LIG1: variants seen among roughly 807,000 people sequenced by gnomAD.
The protein encoded by LIG1 is ligase I, DNA, ATP-dependent.
In LIG1, 70 loss-of-function variants were observed where a neutral mutation model predicts 115.7. The ratio of observed to expected loss-of-function variants is 0.60; its 90% CI spans 0.50 to 0.74. The LOEUF (loss-of-function observed/expected upper bound fraction) is 0.74. Ranked by LOEUF, LIG1 falls within the 30% of genes least tolerant of loss-of-function variation. The pLI is 0.00. For missense variants in LIG1, 1,115 were observed against 1,225.6 expected (o/e 0.91, Z 1.35); for synonymous variants, 487 against 495.3 (o/e 0.98, Z 0.22).
rs1490766311 is a variant in LIG1 at position 48,140,074 on chromosome 19, G to C, written c.984C>G (p.Leu328=). The change falls in exon 12 of 28, where the codon CTC becomes CTG. Residue 328 remains leucine, a synonymous_variant. Coordinates refer to ENST00000263274, the MANE Select transcript of LIG1 (RefSeq NM_000234.3). ...SVVALSPPDL[L]PVLYLSLNHL... ...GGTTGAGGCTGAGGTAGAGGACAGG[G>C]AGGAGGTCTGGAGGCGACAGGGCCA... 2 of 1,614,000 alleles carry C rather than the reference G, an allele frequency of 1.2e-6. No homozygotes were observed. Among genetic ancestry groups the C allele is most frequent in the Admixed American group, 1.7e-5 (1 of 60,028 alleles).
At chr19:48,132,790 C>CAAAAAAAAA (rs71181649) in intron 18 of LIG1, among the ~76,000 whole-genome samples, 192 bp downstream of exon 18, 813 of 48,246 alleles carry the variant, frequency 0.017, 130 homozygotes, top group African/African-American at 0.066. Flanking sequence ...GACTCTGTCT[C>CAAAAAAAAA]AAAAAAAAAA....
At chr19:48,165,982 G>C (rs1270694467) in intron 1 of LIG1, among the ~76,000 whole-genome samples, 1 of 152,228 alleles carries the variant, frequency 6.6e-6, no homozygotes, top group Non-Finnish European at 1.5e-5. Context: ...AACTGTGGAA[G>C]CTTATAAAAT....
intron 20 of LIG1, chr19:48,127,640 G>C: frequency 1.6e-6 from 1 of 610,272 alleles, no homozygotes; most frequent in Non-Finnish European, 2.9e-6. Flanking sequence ...AAACCTGTGG[G>C]GTGCAGGTTG....
intron 21 of LIG1, chr19:48,127,051 C>A (rs769281537): frequency 3.5e-6 from 2 of 564,494 alleles, no homozygotes; most frequent in African/African-American, 3.8e-5. Flanking sequence ...AGATCCACCT[C>A]ACGCCAATGT....
Position 48,144,160 on chromosome 19 carries a change from T to A in LIG1, c.777-197A>T, listed in dbSNP as rs393404. On this transcript the variant is annotated intron_variant, in intron 9 of 27. Transcript: ENST00000263274. ...GGCAAAAAGCCCCCACATAAACACA[T>A]CATTAATTTTAGGTGTTAAAAAAAT... Among the ~76,000 whole-genome samples, 887 of 152,040 alleles carry A rather than the reference T, an allele frequency of 5.8e-3. 13 individuals carry two copies. Among genetic ancestry groups the A allele is most frequent in the African/African-American group, 0.02 (839 of 41,434 alleles).
chr19:48,157,681 A>C (rs1188448054), intron 4 of LIG1, among the ~76,000 whole-genome samples: 1 of 152,134 alleles, frequency 6.6e-6, no homozygotes, highest in African/African-American at 2.4e-5. Context: ...AGCAACTGGG[A>C]TAACAGGCGC....
chr19:48,135,909 A>G, intron 15 of LIG1, 125 bp downstream of exon 15: 2 of 555,780 alleles, frequency 3.6e-6, no homozygotes, highest in Non-Finnish European at 6.5e-6. Context: ...CCCCCCACCC[A>G]GGAGAGAGGA....
intron 8 of LIG1, 45 bp downstream of exon 8, chr19:48,150,043 C>T (rs750468446): frequency 1.2e-6 from 2 of 1,613,602 alleles, no homozygotes; most frequent in South Asian, 2.2e-5. Context: ...CACCAGCCTC[C>T]TGCCTGTACA....
At chr19:48,166,903 G>A (rs1007642165) in intron 1 of LIG1, among the ~76,000 whole-genome samples, 3 of 150,654 alleles carry the variant, frequency 2.0e-5, no homozygotes, top group African/African-American at 2.4e-5. Context: ...CCCAGGAAGT[G>A]GAGGTTGCAG....
intron 26 of LIG1, 150 bp from the exon 27 acceptor site, chr19:48,116,115 T>C: frequency 1.4e-6 from 1 of 692,738 alleles, no homozygotes; most frequent in South Asian, 1.6e-5. Flanking sequence ...ACAAAGTGCT[T>C]GGAACAGTAC....
Position 48,135,732 on chromosome 19 carries a change from C to A in LIG1, c.1471G>T (p.Ala491Ser). The change falls in exon 16 of 28, where the codon GCC becomes TCC. Residue 491 changes from alanine (A) to serine (S), a missense_variant. By Grantham distance (99) the Ala-to-Ser change is moderately conservative (BLOSUM62 1). Coordinates refer to ENST00000263274, the MANE Select transcript of LIG1 (RefSeq NM_000234.3). ...TGCTCCTCCAGCCACGTCTTTCTGG[C>A]CTCTGCTGTCTTGCCCTTCCCAGCA... ...VDAGKGKTAE[A>S]RKTWLEEQGM... is the part of the protein sequence containing the mutation. 6.2e-7 allele frequency: 1 copy of A among 1,614,194 alleles called. No individual in the cohort carries two copies. Among genetic ancestry groups the A allele is most frequent in the Non-Finnish European group, 8.5e-7 (1 of 1,180,022 alleles).
intron 2 of LIG1, among the ~76,000 whole-genome samples, chr19:48,163,537 C>G (rs1483213711): frequency 6.6e-6 from 1 of 152,036 alleles, no homozygotes; most frequent in African/African-American, 2.4e-5. Flanking sequence ...TATTATGTGC[C>G]AGGGCCTGTT....
intron 12 of LIG1, among the ~76,000 whole-genome samples, chr19:48,138,104 C>T (rs1006455590): frequency 2.6e-5 from 4 of 152,228 alleles, no homozygotes; most frequent in East Asian, 1.9e-4. Context: ...AAAGACCCTT[C>T]GGCTTGTTTT....
At chr19:48,115,821 G>C (rs2032762100) in intron 27 of LIG1, 52 bp downstream of exon 27, 10 of 1,585,576 alleles carry the variant, frequency 6.3e-6, no homozygotes, top group African/African-American at 1.3e-5. Flanking sequence ...ACGCTAAAAA[G>C]CTGGTAGGGC....
intron 16 of LIG1, 103 bp downstream of exon 16, chr19:48,135,577 G>C: frequency 4.4e-6 from 4 of 911,780 alleles, no homozygotes; most frequent in Non-Finnish European, 7.3e-6. Context: ...CGTGATGCCT[G>C]TCCGTCACTT....
intron 9 of LIG1, chr19:48,146,005 T>C (rs1010888092): frequency 3.3e-5 from 5 of 152,234 alleles, no homozygotes; most frequent in Admixed American, 2.6e-4. Flanking sequence ...CCCAGCAGTG[T>C]TGTGAGGATT....
At chr19:48,166,019 C>G (rs991677710) in intron 1 of LIG1, among the ~76,000 whole-genome samples, 3 of 152,214 alleles carry the variant, frequency 2.0e-5, no homozygotes, top group Non-Finnish European at 4.4e-5. Context: ...CATAAATTAG[C>G]TCTTGGGCAG....
At chr19:48,153,612 C>T (rs1176519607) in intron 6 of LIG1, among the ~76,000 whole-genome samples, 1 of 150,374 alleles carries the variant, frequency 6.7e-6, no homozygotes, top group African/African-American at 2.5e-5. Flanking sequence ...CCTGAGCTCT[C>T]AGGCCCCTGC....
intron 17 of LIG1, chr19:48,133,344 T>C: frequency 1.9e-6 from 1 of 530,884 alleles, no homozygotes; most frequent in Non-Finnish European, 3.4e-6. Context: ...GCTCACATCC[T>C]TGCAAGGAAT....
Sources: gnomAD v4.1 joint callset for allele counts (sites outside exome capture counted in the v4.1 genomes callset) on GRCh38, gnomAD v4.1.1 for gene constraint, MANE v1.5 for transcripts, NCBI Gene and HGNC (gene_info 2026-07-23, HGNC 2026-07-21) for gene names.